The following NFASC variants were observed in gnomAD, a reference collection of about 807,000 sequenced individuals.
NFASC encodes neurofascin homolog.
A neutral mutation model predicts 147.5 loss-of-function variants in NFASC; 43 were observed. The observed-to-expected ratio is 0.29, with a 90% confidence interval of 0.23 to 0.38. The LOEUF is 0.38. Among genes scored for constraint, NFASC ranks in the 10% least tolerant of loss-of-function variants. The pLI is 1.00. For missense variants in NFASC, 1,320 were observed against 1,689.0 expected (o/e 0.78, Z 3.83); for synonymous variants, 622 against 665.5 (o/e 0.93, Z 1.01).
At chr1:204,843,197 T>G (rs1223849979) in intron 1 of NFASC, among the ~76,000 whole-genome samples, 1 of 152,210 alleles carries the variant, frequency 6.6e-6, no homozygotes, top group African/African-American at 2.4e-5. Context: ...CCTACCCAGA[T>G]GCTGGTGTGT....
intron 7 of NFASC, among the ~76,000 whole-genome samples, chr1:204,955,212 G>GA (rs1329974417): frequency 1.4e-4 from 21 of 151,960 alleles, no homozygotes; most frequent in South Asian, 4.2e-4. Context: ...TCCTCTTCTG[G>GA]AAAAAAACAG....
chr1:204,934,231 A>G (rs1194198429), intron 2 of NFASC, among the ~76,000 whole-genome samples: 1 of 151,112 alleles, frequency 6.6e-6, no homozygotes, highest in East Asian at 1.9e-4. Flanking sequence ...TTCTGGGGAG[A>G]GCAGCATTTC....
At chr1:204,946,551 G>T (rs1288842314) in intron 3 of NFASC, 4 of 433,426 alleles carry the variant, frequency 9.2e-6, no homozygotes, top group Non-Finnish European at 1.9e-5. Context: ...AAAAGAGTCT[G>T]CAGAAACTGA....
chr1:204,919,402 A>ATT (rs2090013445), intron 1 of NFASC, among the ~76,000 whole-genome samples: 1 of 152,210 alleles, frequency 6.6e-6, no homozygotes, highest in Admixed American at 6.5e-5. Flanking sequence ...ATGCATATAT[A>ATT]TTTTTGCATT....
At chr1:204,918,420 C>A (rs2089757318) in intron 1 of NFASC, among the ~76,000 whole-genome samples, 1 of 152,084 alleles carries the variant, frequency 6.6e-6, no homozygotes, top group African/African-American at 2.4e-5. Flanking sequence ...CAAGACAATT[C>A]TTCTTCTTGC....
intron 1 of NFASC, among the ~76,000 whole-genome samples, chr1:204,913,220 T>C (rs2088147427): frequency 6.6e-6 from 1 of 152,150 alleles, no homozygotes; most frequent in Admixed American, 6.5e-5. Context: ...TTTGAACAAA[T>C]TAAAATTCAT....
intron 1 of NFASC, among the ~76,000 whole-genome samples, chr1:204,835,369 A>C (rs777931677): frequency 6.6e-6 from 1 of 151,936 alleles, no homozygotes; most frequent in Non-Finnish European, 1.5e-5. Context: ...CTGAGACTAC[A>C]GGCATCCACC....
In NFASC at chr1:204,937,153, T is replaced by TAAAA. The variant is rs111700110; in HGVS notation, c.-90-7065_-90-7062dup. On this transcript the variant is annotated intron_variant, in intron 2 of 29. Coordinates refer to ENST00000339876, the MANE Select transcript of NFASC (RefSeq NM_001005388.3). Reference sequence around the variant, plus strand: ...CAATCACTACTGTGGTTTCTTTCTTTAAAAAAAAAAACACTTCTAGAGCAG... The same window carrying TAAAA: ...CAATCACTACTGTGGTTTCTTTCTTTAAAAAAAAAAAAAAACACTTCTAGAGCAG... Among the ~76,000 whole-genome samples the TAAAA allele has an allele frequency of 2.2e-3, 319 of 147,650 alleles. 3 individuals are homozygous for TAAAA. The highest frequency in any genetic ancestry group is 0.018 in the South Asian group (85 of 4,640).
chr1:204,910,060 A>C (rs1234595612), intron 1 of NFASC, among the ~76,000 whole-genome samples: 1 of 151,954 alleles, frequency 6.6e-6, no homozygotes, highest in Non-Finnish European at 1.5e-5. Context: ...TGTTTCAGCT[A>C]TTCTTGTTCC....
In NFASC at chr1:204,845,295, C is replaced by CAAAAAA. The variant is rs35773017; in HGVS notation, c.-200+16522_-200+16527dup. On this transcript the variant is annotated intron_variant, in intron 1 of 29. Coordinates refer to ENST00000339876, the MANE Select transcript of NFASC (RefSeq NM_001005388.3). ...GTAAAACCCTGTCTCTACTAAAATA[C>CAAAAAA]AAAAAAAAAAAAAATAGCTGGGCGT... 6.3e-3 allele frequency among the ~76,000 whole-genome samples: 887 copies of CAAAAAA among 140,542 alleles called. 14 individuals are homozygous for CAAAAAA. The highest frequency in any genetic ancestry group is 0.022 in the African/African-American group (806 of 37,284). The allele number at this position is 140,542 out of a possible 152,430, so 92.2% of individuals were successfully genotyped here. A position where few individuals can be genotyped will look rare whatever the true frequency, so the allele number is the denominator to read the frequency against.
At chr1:204,877,017 T>A (rs1270151314) in intron 1 of NFASC, among the ~76,000 whole-genome samples, 1 of 110,648 alleles carries the variant, frequency 9.0e-6, no homozygotes, top group East Asian at 5.7e-4. Flanking sequence ...TATATATATA[T>A]ATATATATAT....
rs1272768166 is a variant in NFASC at position 204,979,076 on chromosome 1, C to G, written c.1978+7C>G. On this transcript the variant is annotated splice_region_variant and intron_variant, in intron 18 of 29. Transcript: ENST00000339876. This position sits in a 1 kb window ranked among gnomAD's most constrained non-coding sequence, Gnocchi z 6.0. ...AACAACAGCCCCATCACAGGTAGCT[C>G]AGGGCCTTGCACCCCAAAGCTGGAA... 4 of 1,549,338 alleles carry G rather than the reference C, an allele frequency of 2.6e-6. No homozygotes were observed. The highest frequency in any genetic ancestry group is 3.5e-6 in the Non-Finnish European group (4 of 1,144,554).
chr1:204,852,495 G>A (rs1486069838), intron 1 of NFASC, among the ~76,000 whole-genome samples: 10 of 152,154 alleles, frequency 6.6e-5, no homozygotes, highest in South Asian at 4.1e-4. Flanking sequence ...GTGAAACTCC[G>A]TCTGAAAAAC....
intron 1 of NFASC, among the ~76,000 whole-genome samples, chr1:204,857,202 T>A (rs902691672): frequency 2.0e-5 from 3 of 152,246 alleles, no homozygotes; most frequent in Admixed American, 2.0e-4. Flanking sequence ...GTCTTTTGAC[T>A]TGAAGATGAC....
At chr1:204,962,038 C>T in intron 8 of NFASC, 1 of 1,224,902 alleles carries the variant, frequency 8.2e-7, no homozygotes, top group South Asian at 1.2e-5. Flanking sequence ...CATTTGTTTT[C>T]TCTCCCCGTT....
chr1:205,007,521 G>A (rs1574453813), intron 27 of NFASC, among the ~76,000 whole-genome samples: 1 of 150,292 alleles, frequency 6.7e-6, no homozygotes, highest in Non-Finnish European at 1.5e-5. Flanking sequence ...AAGGAAGGAA[G>A]GATTAAATAG....
rs372824370 is a variant in NFASC, at chr1:204,984,900, A to G, written c.2471-2518A>G. On this transcript the variant is annotated intron_variant, in intron 21 of 29. Coordinates refer to ENST00000339876, the MANE Select transcript of NFASC (RefSeq NM_001005388.3). Reference sequence around the variant, plus strand: ...GTGAGGGAGGCAGTAACTGTGATTAATGCACGTTCTGTGGCCTCAGAGGTC... The same window carrying G: ...GTGAGGGAGGCAGTAACTGTGATTAGTGCACGTTCTGTGGCCTCAGAGGTC... Among the ~76,000 whole-genome samples, 29 of 152,278 alleles carry G rather than the reference A, an allele frequency of 1.9e-4. No homozygotes were observed. The East Asian group carries it at 5.6e-3, about 29-fold the overall frequency.
chr1:204,855,265 AG>A (rs1410197233), intron 1 of NFASC, among the ~76,000 whole-genome samples: 1 of 152,248 alleles, frequency 6.6e-6, no homozygotes, highest in Admixed American at 6.5e-5. Flanking sequence ...ATGCAGAAAA[AG>A]ACTCAAGAAT....
In NFASC at chr1:205,017,760, T is replaced by C. The variant is rs1453603791; in HGVS notation, c.*1221T>C. ...TGTGGATGGGGACTTGCCCCAAGACTGAGCAGGTCTGCCCTTTCATTGGGG... is the reference window on the plus strand; with the variant it reads ...TGTGGATGGGGACTTGCCCCAAGACCGAGCAGGTCTGCCCTTTCATTGGGG... On this transcript the variant is annotated 3_prime_UTR_variant, in exon 30 of 30. Coordinates refer to ENST00000339876, the MANE Select transcript of NFASC (RefSeq NM_001005388.3). 1 of 152,748 alleles carries C rather than the reference T, an allele frequency of 6.5e-6. No homozygotes were observed. The highest frequency in any genetic ancestry group is 1.5e-5 in the Non-Finnish European group (1 of 68,078). The allele number at this position is 152,748 out of a possible 1,614,324, so 9.5% of individuals were successfully genotyped here. A position where few individuals can be genotyped will look rare whatever the true frequency, so the allele number is the denominator to read the frequency against.
Sources: allele counts gnomAD v4.1 joint callset (sites outside exome capture counted in the v4.1 genomes callset), GRCh38; gene constraint gnomAD v4.1.1; non-coding constraint Gnocchi (gnomAD v3.1); transcripts MANE v1.5; gene names NCBI Gene and HGNC (gene_info 2026-07-23, HGNC 2026-07-21).